Variants in MUC5B observed in about 807,000 individuals in gnomAD.
MUC5B encodes mucin-5B.
A neutral mutation model predicts 376.9 loss-of-function variants in MUC5B; 116 were observed. That is an observed-to-expected ratio of 0.31 (90% CI 0.26 to 0.36). The LOEUF (loss-of-function observed/expected upper bound fraction) is 0.36. MUC5B is among the 10% of genes least tolerant of loss of function. MUC5B has a pLI of 1.00. For synonymous variants in MUC5B, 3,517 were observed against 3,390.9 expected (o/e 1.04, Z -1.29); for missense variants, 7,165 against 7,769.9 (o/e 0.92, Z 2.93).
chr11:1,234,758 A>AGGGAGGGCAGGGGGCG lies in MUC5B; in HGVS notation c.2630+94_2630+109dup, dbSNP rs1326710921. 2 of 58,992 alleles carry AGGGAGGGCAGGGGGCG rather than the reference A, an allele frequency of 3.4e-5. No homozygotes were observed. The highest frequency in any genetic ancestry group is 6.0e-5 in the Non-Finnish European group (2 of 33,424). 3.7% of individuals were successfully genotyped at this position (58,992 alleles called of 1,614,324 possible). ...GGCAGCGGGTGGGGAGGCAGCGGGCAGGGAGGGCAGGGGGCGGGGAGGGCA... is the reference window on the plus strand; with the variant it reads ...GGCAGCGGGTGGGGAGGCAGCGGGCAGGGAGGGCAGGGGGCGGGGAGGGCAGGGGGCGGGGAGGGCA... On this transcript the variant is annotated intron_variant, in intron 21 of 48. Coordinates refer to ENST00000529681, the MANE Select transcript of MUC5B (RefSeq NM_002458.3). The surrounding 1 kb of genome is among the most constrained non-coding windows in gnomAD (Gnocchi z 6.3).
At chr11:1,256,820 C>G (rs1162963483) in intron 39 of MUC5B, 49 bp downstream of exon 39, 1 of 1,444,182 alleles carries the variant, frequency 6.9e-7, no homozygotes, top group Non-Finnish European at 9.2e-7. Flanking sequence ...CCGACCCAAG[C>G]ACACACAGGG....
In MUC5B at chr11:1,248,596, C is replaced by T. The variant is rs766903605; in HGVS notation, c.11716C>T (p.Pro3906Ser). 6.2e-7 allele frequency: 1 copy of T among 1,612,992 alleles called. No homozygotes were observed. Among genetic ancestry groups the T allele is most frequent in the South Asian group, 1.1e-5 (1 of 91,050 alleles). The change falls in exon 31 of 49, where the codon CCC (proline) becomes TCC (serine). Residue 3906 changes from proline (P) to serine (S), a missense_variant. Coordinates refer to ENST00000529681, the MANE Select transcript of MUC5B (RefSeq NM_002458.3). ...TPTTSGSTVTPSSVPGTTHTP... is the reference protein window; with the variant it reads ...TPTTSGSTVTSSSVPGTTHTP... The stretch of plus-strand genomic sequence containing the variant: ...CACAACCAGTGGCTCCACGGTGACC[C>T]CCTCCTCCGTCCCGGGGACCACCCA...
Position 1,230,221 on chromosome 11 carries a change from C to T in MUC5B, c.1359+78C>T. 4.0e-6 allele frequency: 6 copies of T among 1,506,204 alleles called. 1 individual carries two copies. The highest frequency in any genetic ancestry group is 2.6e-5 in the South Asian group (2 of 76,206). The allele number at this position is 1,506,204 out of a possible 1,614,324, so 93.3% of individuals were successfully genotyped here. On this transcript the variant is annotated intron_variant, in intron 11 of 48. Coordinates refer to ENST00000529681, the MANE Select transcript of MUC5B (RefSeq NM_002458.3). ...TGCCACTTCCACCCAGGGGAGGCCC[C>T]CACGATGGTCATAGAGGGGTGGATG... is the stretch of plus-strand genomic sequence containing the variant.
chr11:1,245,621 G>T lies in MUC5B; in HGVS notation c.8741G>T (p.Gly2914Val), dbSNP rs762847797. ...GGGGCCGTCTGTGAGCAGCCCCTGG[G>T]CCTCGAGTGCCGTGCCCAGGCCCAG... Reference protein sequence around the residue: ...AGGAVCEQPLGLECRAQAQPG... With the variant: ...AGGAVCEQPLVLECRAQAQPG... The change falls in exon 31 of 49, where the codon GGC becomes GTC. Residue 2914 changes from glycine to valine, a missense_variant. Around this residue, in one of 31 missense-constraint regions of MUC5B, gnomAD observed 57 missense variants for 167.2 expected, o/e 0.34. Coordinates refer to ENST00000529681, the MANE Select transcript of MUC5B (RefSeq NM_002458.3). 2 of 1,592,904 alleles carry T rather than the reference G, an allele frequency of 1.3e-6. No individual in the cohort carries two copies. Among genetic ancestry groups the T allele is most frequent in the Non-Finnish European group, 1.7e-6 (2 of 1,170,142 alleles).
Position 1,244,801 on chromosome 11 carries a change from A to G in MUC5B, c.7921A>G (p.Thr2641Ala). 2 of 1,613,212 alleles carry G rather than the reference A, an allele frequency of 1.2e-6. No homozygotes were observed. The highest frequency in any genetic ancestry group is 1.1e-5 in the South Asian group (1 of 91,008). Residue 2641 changes from threonine (T) to alanine (A), a missense_variant, in exon 31 of 49, where the codon ACA becomes GCA. Physicochemically the swap from Thr to Ala is moderately conservative, Grantham distance 58 (BLOSUM62 0). Around this residue, in one of 31 missense-constraint regions of MUC5B, gnomAD observed 141 missense variants for 111.2 expected, o/e 1.27. Coordinates refer to ENST00000529681, the MANE Select transcript of MUC5B (RefSeq NM_002458.3). ...GTGGATCAGCACAACCACCACACCC[A>G]CAACCAGAGGTTCCACGGTGACCCC... Reference protein sequence around the residue: ...PVWISTTTTPTTRGSTVTPSS... With the variant: ...PVWISTTTTPATRGSTVTPSS...
At position 1,251,559 on chromosome 11, in the gene MUC5B, G is replaced by T. The variant is rs146557933; in HGVS notation, c.14679G>T (p.Thr4893=). 1.9e-6 allele frequency: 3 copies of T among 1,612,922 alleles called. No individual in the cohort carries two copies. Among genetic ancestry groups the T allele is most frequent in the Non-Finnish European group, 1.7e-6 (2 of 1,179,782 alleles). ...CTATGCCCACAGCCACTGCCTCCAC[G>T]GTTCCCAGCTCGTCCACCGTGGGGA... ...MATMPTATAS[T]VPSSSTVGTT... is the part of the protein sequence containing the mutation. Residue 4893 remains threonine (T), a synonymous_variant, in exon 31 of 49, where the codon ACG becomes ACT. Coordinates refer to ENST00000529681, the MANE Select transcript of MUC5B (RefSeq NM_002458.3).
rs1290474295 is a variant in MUC5B at position 1,244,208 on chromosome 11, C to G, written c.7328C>G (p.Ala2443Gly). ...TWILTELTTTATTTESTGSTA... is the reference protein window; with the variant it reads ...TWILTELTTTGTTTESTGSTA... Reference sequence around the variant, plus strand: ...ATCCTCACAGAGCTGACCACAACAGCCACTACGACTGAGTCCACTGGATCC... The same window carrying G: ...ATCCTCACAGAGCTGACCACAACAGGCACTACGACTGAGTCCACTGGATCC... The change falls in exon 31 of 49, where the codon GCC becomes GGC. Residue 2443 changes from alanine to glycine, a missense_variant. Transcript: ENST00000529681. The G allele has an allele frequency of 3.1e-6, 5 of 1,612,378 alleles. No homozygotes were observed. The highest frequency in any genetic ancestry group is 3.3e-5 in the Admixed American group (2 of 59,976).
intron 5 of MUC5B, 48 bp downstream of exon 5, chr11:1,227,193 C>T (rs757422565): frequency 2.2e-5 from 35 of 1,586,494 alleles, no homozygotes; most frequent in Non-Finnish European, 2.9e-5. Context: ...GGCCACAAAA[C>T]CCCCACCGGG....
rs61746195 is a variant in MUC5B at position 1,242,265 on chromosome 11, C to T, written c.5385C>T (p.Asp1795=). The change falls in exon 31 of 49, where the codon GAC becomes GAT. Residue 1795 remains aspartate (D), a synonymous_variant. Transcript: ENST00000529681. ...QPKCEWTEWF[D]VDFPTSGVAG... ...AGTGTGAGTGGACAGAGTGGTTTGA[C>T]GTGGACTTCCCAACCTCAGGGGTTG... 1,935 of 1,613,888 alleles carry T rather than the reference C, an allele frequency of 1.2e-3. 3 individuals carry two copies. The highest frequency in any genetic ancestry group is 2.3e-3 in the Middle Eastern group (14 of 6,062).
Position 1,239,819 on chromosome 11 carries a change from C to G in MUC5B, c.3604C>G (p.Pro1202Ala). 1 of 1,611,802 alleles carries G rather than the reference C, an allele frequency of 6.2e-7. No homozygotes were observed. Among genetic ancestry groups the G allele is most frequent in the Non-Finnish European group, 8.5e-7 (1 of 1,179,148 alleles). Residue 1202 changes from proline (P) to alanine (A), a missense_variant, in exon 28 of 49, where the codon CCC becomes GCC. Transcript: ENST00000529681. ...CCTAGGCTGCTACCCGAAGTGCCCA[C>G]CCAGCCAGCCCTTCTTCAATGAGGA... The part of the protein sequence containing the change: ...GLEGCYPKCP[P>A]SQPFFNEDQM...
intron 1 of MUC5B, among the ~76,000 whole-genome samples, chr11:1,223,756 T>A (rs1861812883): frequency 6.6e-6 from 1 of 152,234 alleles, no homozygotes; most frequent in Non-Finnish European, 1.5e-5. Flanking sequence ...CCGCACGGGC[T>A]GCCTGGCTCT....
chr11:1,247,698 G>A lies in MUC5B; in HGVS notation c.10818G>A (p.Gly3606=). The change falls in exon 31 of 49, where the codon GGG becomes GGA. Residue 3606 remains glycine (G), a synonymous_variant. Coordinates refer to ENST00000529681, the MANE Select transcript of MUC5B (RefSeq NM_002458.3). ...ACTCCAACATCCGTGCGGCCGGAGGGGCAGTCTGTGAGCAGCCCCTGGGCC... is the reference window on the plus strand; with the variant it reads ...ACTCCAACATCCGTGCGGCCGGAGGAGCAGTCTGTGAGCAGCCCCTGGGCC... The part of the protein sequence containing the change: ...DTYSNIRAAG[G]AVCEQPLGLE... 1.3e-6 allele frequency: 2 copies of A among 1,583,114 alleles called. No individual in the cohort carries two copies. The highest frequency in any genetic ancestry group is 1.7e-6 in the Non-Finnish European group (2 of 1,159,608).
In MUC5B at chr11:1,250,796, C is replaced by T. The variant is rs373043651; in HGVS notation, c.13916C>T (p.Pro4639Leu). ...TPTTSGSTVTPSSIPGTTHTA... is the reference protein window; with the variant it reads ...TPTTSGSTVTLSSIPGTTHTA... ...ACAACCAGTGGCTCCACGGTGACCC[C>T]CTCCTCCATCCCGGGGACCACCCAC... Residue 4639 changes from proline (P) to leucine (L), a missense_variant, in exon 31 of 49, where the codon CCC becomes CTC. This residue lies in a region of MUC5B where 730 missense variants were observed against 592.7 expected (regional missense o/e 1.23). Transcript: ENST00000529681. 5.5e-4 allele frequency: 884 copies of T among 1,613,492 alleles called. No homozygotes were observed. Among genetic ancestry groups the T allele is most frequent in the Admixed American group, 1.3e-3 (77 of 59,992 alleles).
In MUC5B at chr11:1,254,293, A is replaced by C; in HGVS notation, c.15419A>C (p.Tyr5140Ser). Residue 5140 changes from tyrosine (Y) to serine (S), a missense_variant, in exon 34 of 49, where the codon TAC (tyrosine) becomes TCC (serine). Physicochemically the swap from Tyr to Ser is moderately radical, Grantham distance 144. Coordinates refer to ENST00000529681, the MANE Select transcript of MUC5B (RefSeq NM_002458.3). ...TGCCCCCGCGCCCTCAGCATCCACT[A>C]CAAGTCCATGGATATCGTCCTCACT... ...ARCPRALSIHYKSMDIVLTVT... is the reference protein window; with the variant it reads ...ARCPRALSIHSKSMDIVLTVT... 1 of 1,610,208 alleles carries C rather than the reference A, an allele frequency of 6.2e-7. No individual in the cohort carries two copies. The highest frequency in any genetic ancestry group is 8.5e-7 in the Non-Finnish European group (1 of 1,179,812).
rs369050885 is a variant in MUC5B, at chr11:1,240,933, C to T, written c.4053C>T (p.Pro1351=). The change falls in exon 31 of 49, where the codon CCC becomes CCT. Residue 1351 remains proline, a synonymous_variant. Coordinates refer to ENST00000529681, the MANE Select transcript of MUC5B (RefSeq NM_002458.3). ...GGTACAATGGGCACCGCCCAGAGCC[C>T]GGCCTGGGAGGCGGAGACTTTGAGA... ...SSWYNGHRPE[P]GLGGGDFETF... 3.8e-4 allele frequency: 605 copies of T among 1,613,184 alleles called. 1 individual carries two copies. Among genetic ancestry groups the T allele is most frequent in the Middle Eastern group, 8.4e-4 (5 of 5,974 alleles).
rs200515078 is a variant in MUC5B, at chr11:1,245,399, C to T, written c.8519C>T (p.Thr2840Met). ...CACACCAGGGCCACCTCCAGGACCACGGCCACGGCCACACCCAGCAAGACC... is the reference window on the plus strand; with the variant it reads ...CACACCAGGGCCACCTCCAGGACCATGGCCACGGCCACACCCAGCAAGACC... ...PGHTRATSRTTATATPSKTRT... is the reference protein window; with the variant it reads ...PGHTRATSRTMATATPSKTRT... The change falls in exon 31 of 49, where the codon ACG (threonine) becomes ATG (methionine). Residue 2840 changes from threonine to methionine, a missense_variant. Thr to Met is a moderately conservative substitution (Grantham distance 81). Coordinates refer to ENST00000529681, the MANE Select transcript of MUC5B (RefSeq NM_002458.3). The T allele has an allele frequency of 9.8e-4, 1,513 of 1,548,702 alleles. 182 individuals carry two copies. The highest frequency in any genetic ancestry group is 2.2e-3 in the South Asian group (195 of 87,848).
At chr11:1,223,614 T>G (rs1318052957) in intron 1 of MUC5B, among the ~76,000 whole-genome samples, 1 of 152,078 alleles carries the variant, frequency 6.6e-6, no homozygotes, top group Non-Finnish European at 1.5e-5. Context: ...GCTCTACCCT[T>G]CACGACCTCC....
In MUC5B at chr11:1,256,187, G is replaced by T; in HGVS notation, c.16098G>T (p.Lys5366Asn). 1.4e-6 allele frequency: 1 copy of T among 736,286 alleles called. No homozygotes were observed. The highest frequency in any genetic ancestry group is 1.7e-5 in the African/African-American group (1 of 57,712). 45.6% of individuals were successfully genotyped at this position (736,286 alleles called of 1,614,324 possible). Residue 5366 changes from lysine (K) to asparagine (N), a missense_variant, in exon 38 of 49, where the codon AAG becomes AAT. Lys to Asn is a moderately conservative substitution (Grantham distance 94). Around this residue, in one of 31 missense-constraint regions of MUC5B, gnomAD observed 842 missense variants for 1,016.9 expected, o/e 0.83. Transcript: ENST00000529681. The stretch of plus-strand genomic sequence containing the variant: ...CCTGCCCACCCACCAAAGTGTACAA[G>T]CCATGCGGCCCCATACAGCCTGCCA... ...DLTCPPTKVY[K>N]PCGPIQPATC...
At position 1,251,331 on chromosome 11, in the gene MUC5B, G is replaced by A; in HGVS notation, c.14451G>A (p.Arg4817=). Residue 4817 remains arginine (R), a synonymous_variant, in exon 31 of 49, where the codon CGG becomes CGA. Coordinates refer to ENST00000529681, the MANE Select transcript of MUC5B (RefSeq NM_002458.3). ...CCTCCTCCACTCTGGGGACGACCCG[G>A]ATCCTCACTGAGCTGACCACAACAG... The part of the protein sequence containing the change: ...ATPSSTLGTT[R]ILTELTTTAT... 6.2e-7 allele frequency: 1 copy of A among 1,608,966 alleles called. No homozygotes were observed. The highest frequency in any genetic ancestry group is 8.5e-7 in the Non-Finnish European group (1 of 1,177,354).
Sources: allele counts gnomAD v4.1 joint callset (sites outside exome capture counted in the v4.1 genomes callset), GRCh38; gene constraint gnomAD v4.1.1; regional missense constraint gnomAD v4.1.1; non-coding constraint Gnocchi (gnomAD v3.1); transcripts MANE v1.5; gene names NCBI Gene and HGNC (gene_info 2026-07-23, HGNC 2026-07-21).